PXN: variants seen among roughly 807,000 people sequenced by gnomAD.
PXN encodes testicular tissue protein Li 134.
PXN carries 61 observed loss-of-function variants against 103.6 expected under a neutral mutation model. The observed-to-expected ratio is 0.59, with a 90% CI of 0.48 to 0.73. The LOEUF (loss-of-function observed/expected upper bound fraction) is 0.73. Among genes scored for constraint, PXN ranks in the 30% least tolerant of loss-of-function variants. The pLI, the probability that PXN is intolerant of heterozygous loss-of-function variation, is 0.00. For synonymous variants in PXN, 562 were observed against 607.8 expected (o/e 0.92, Z 1.11); for missense variants, 1,274 against 1,460.3 (o/e 0.87, Z 2.08).
At position 120,222,920 on chromosome 12, in the gene PXN, C is replaced by T. The variant is rs375121495; in HGVS notation, c.436G>A (p.Asp146Asn). The change falls in exon 4 of 15, where the codon GAC (aspartate) becomes AAC (asparagine). Residue 146 changes from aspartate (D) to asparagine (N), a missense_variant. Physicochemically the swap from Asp to Asn is conservative, Grantham distance 23. Transcript: ENST00000637617. This position sits in a 1 kb window ranked among gnomAD's most constrained non-coding sequence, Gnocchi z 4.7. ...GCGTTCAGTTCCAGCAGCAGGCGGTCGAGTTCAGAAAGGTTGCTGCCCAGG... is the reference window on the plus strand; with the variant it reads ...GCGTTCAGTTCCAGCAGCAGGCGGTTGAGTTCAGAAAGGTTGCTGCCCAGG... ...TSLGSNLSEL[D>N]RLLLELNAVQ... 3.7e-6 allele frequency: 6 copies of T among 1,613,730 alleles called. No homozygotes were observed. The highest frequency in any genetic ancestry group is 2.7e-5 in the African/African-American group (2 of 74,884).
chr12:120,224,667 T>C lies in PXN; in HGVS notation c.14-290A>G, dbSNP rs374718550. 580 of 644,452 alleles carry C rather than the reference T, an allele frequency of 9.0e-4. 8 individuals are homozygous for C. In the East Asian group the frequency reaches 9.6e-3, roughly 11 times the overall value. 39.9% of individuals were successfully genotyped at this position (644,452 alleles called of 1,614,324 possible). On this transcript the variant is annotated intron_variant, in intron 1 of 14. Coordinates refer to ENST00000637617, the MANE Select transcript of PXN (RefSeq NM_001385981.1). The surrounding 1 kb of genome is among the most constrained non-coding windows in gnomAD (Gnocchi z 5.0). ...CCTCTGGGAGTCAGGCACCTGGCAC[T>C]GCGTTCCCTCCTGACAGGGCCGCGC... is the stretch of plus-strand genomic sequence containing the variant.
At position 120,221,514 on chromosome 12, in the gene PXN, G is replaced by A. The variant is rs1885144866; in HGVS notation, c.831+109C>T. ...GACAGTGTCCCTGGCTCAGGGGCAAGGCACCCAAACACTGAGATGCCAAGA... is the reference window on the plus strand; with the variant it reads ...GACAGTGTCCCTGGCTCAGGGGCAAAGCACCCAAACACTGAGATGCCAAGA... On this transcript the variant is annotated intron_variant, in intron 6 of 14. Transcript: ENST00000637617. This position sits in a 1 kb window ranked among gnomAD's most constrained non-coding sequence, Gnocchi z 6.6. 1 of 1,288,408 alleles carries A rather than the reference G, an allele frequency of 7.8e-7. No homozygotes were observed. The highest frequency in any genetic ancestry group is 1.1e-6 in the Non-Finnish European group (1 of 943,948). 79.8% of individuals were successfully genotyped at this position (1,288,408 alleles called of 1,614,324 possible).
intron 1 of PXN, among the ~76,000 whole-genome samples, chr12:120,258,526 T>C (rs538985498): frequency 6.6e-6 from 1 of 152,178 alleles, no homozygotes; most frequent in Admixed American, 6.5e-5. Context: ...AGGCCAACCA[T>C]AGGCAGGCGC....
chr12:120,256,113 A>T lies in PXN; in HGVS notation c.13+9504T>A, dbSNP rs533606188. Among the ~76,000 whole-genome samples, 7 of 152,152 alleles carry T rather than the reference A, an allele frequency of 4.6e-5. No homozygotes were observed. The South Asian group carries it at 1.2e-3, about 27-fold the overall frequency. ...TGAAGTTAGTAAAAGCAGAAAAGTAAAAAGAGGGAAACAGGCAAGACACAT... is the reference window on the plus strand; with the variant it reads ...TGAAGTTAGTAAAAGCAGAAAAGTATAAAGAGGGAAACAGGCAAGACACAT... On this transcript the variant is annotated intron_variant, in intron 1 of 14. Transcript: ENST00000637617.
chr12:120,233,056 T>C (rs1888366749), intron 1 of PXN, among the ~76,000 whole-genome samples: 1 of 152,174 alleles, frequency 6.6e-6, no homozygotes, highest in Admixed American at 6.6e-5. Flanking sequence ...TTTCCTTTCA[T>C]CACCACAGCC....
rs202176482 is a variant in PXN, at chr12:120,224,324, C to T, written c.67G>A (p.Val23Met). The T allele has an allele frequency of 2.5e-4, 411 of 1,614,022 alleles. No individual in the cohort carries two copies. Among genetic ancestry groups the T allele is most frequent in the Admixed American group, 4.8e-4 (29 of 60,026 alleles). ...STTSHISKRPVFLSEETPYSY... is the reference protein window; with the variant it reads ...STTSHISKRPMFLSEETPYSY... Reference sequence around the variant, plus strand: ...TAGGGGGTCTCCTCCGACAAGAACACAGGCCGTTTGGAGATGTGGGAGGTG... The same window carrying T: ...TAGGGGGTCTCCTCCGACAAGAACATAGGCCGTTTGGAGATGTGGGAGGTG... Residue 23 changes from valine to methionine, a missense_variant, in exon 2 of 15, where the codon GTG (valine) becomes ATG (methionine). Coordinates refer to ENST00000637617, the MANE Select transcript of PXN (RefSeq NM_001385981.1). This position sits in a 1 kb window ranked among gnomAD's most constrained non-coding sequence, Gnocchi z 5.0.
intron 3 of PXN, 109 bp from the exon 4 acceptor site, chr12:120,223,108 T>TC (rs1434728235): frequency 6.4e-7 from 1 of 1,559,366 alleles, no homozygotes; most frequent in Non-Finnish European, 8.7e-7. Context: ...TGCGAAGTCT[T>TC]CCCCCGCAAG....
Position 120,216,267 on chromosome 12 carries a change from G to C in PXN, c.2301+6C>G. ...ACAGAAAGGGAGGGGCTCCTTTAAG[G>C]CCTGCCTGCATCGGGGGGAAGAGCG... On this transcript the variant is annotated splice_donor_region_variant and intron_variant, in intron 9 of 14. Coordinates refer to ENST00000637617, the MANE Select transcript of PXN (RefSeq NM_001385981.1). The surrounding 1 kb of genome is among the most constrained non-coding windows in gnomAD (Gnocchi z 5.1). The C allele has an allele frequency of 5.5e-6, 7 of 1,278,606 alleles. No individual in the cohort carries two copies. The highest frequency in any genetic ancestry group is 6.9e-6 in the Non-Finnish European group (7 of 1,017,026). The allele number at this position is 1,278,606 out of a possible 1,614,324, so 79.2% of individuals were successfully genotyped here. A position where few individuals can be genotyped will look rare whatever the true frequency, so the allele number is the denominator to read the frequency against.
chr12:120,243,784 A>G (rs1018442891), intron 1 of PXN, among the ~76,000 whole-genome samples: 4 of 152,196 alleles, frequency 2.6e-5, no homozygotes, highest in Admixed American at 1.3e-4. Context: ...TTGAGGCTCC[A>G]TTCCTTTGAG....
chr12:120,224,305 G>C lies in PXN; in HGVS notation c.86C>G (p.Thr29Ser). Residue 29 changes from threonine (T) to serine (S), a missense_variant, in exon 2 of 15, where the codon ACC becomes AGC. This residue lies in a region of PXN where 1,178 missense variants were observed against 1,309.0 expected (regional missense o/e 0.90). Transcript: ENST00000637617. The surrounding 1 kb of genome is among the most constrained non-coding windows in gnomAD (Gnocchi z 5.0). ...GTTTCCAGTTGGGTATGAGTAGGGG[G>C]TCTCCTCCGACAAGAACACAGGCCG... ...SKRPVFLSEE[T>S]PYSYPTGNHT... The C allele has an allele frequency of 6.2e-7, 1 of 1,613,978 alleles. No individual in the cohort carries two copies. Among genetic ancestry groups the C allele is most frequent in the Non-Finnish European group, 8.5e-7 (1 of 1,179,884 alleles).
Position 120,216,636 on chromosome 12 carries a change from C to T in PXN, c.1993-55G>A. Reference sequence around the variant, plus strand: ...AGGAAGAAATCGCCAGCTCAGCCCACAGGGGTGGCGGGACCTCCCCAGGCT... The same window carrying T: ...AGGAAGAAATCGCCAGCTCAGCCCATAGGGGTGGCGGGACCTCCCCAGGCT... On this transcript the variant is annotated intron_variant, in intron 8 of 14. Coordinates refer to ENST00000637617, the MANE Select transcript of PXN (RefSeq NM_001385981.1). This position sits in a 1 kb window ranked among gnomAD's most constrained non-coding sequence, Gnocchi z 5.1. The T allele has an allele frequency of 6.5e-7, 1 of 1,544,414 alleles. No individual in the cohort carries two copies. The highest frequency in any genetic ancestry group is 8.6e-7 in the Non-Finnish European group (1 of 1,162,562).
chr12:120,261,719 T>C (rs896200672), intron 1 of PXN, among the ~76,000 whole-genome samples: 6 of 152,174 alleles, frequency 3.9e-5, no homozygotes, highest in Non-Finnish European at 8.8e-5. Flanking sequence ...ACCCAGTCTC[T>C]TCAATGCATG....
chr12:120,219,118 A>G lies in PXN; in HGVS notation c.1716+89T>C, dbSNP rs1884215084. The G allele has an allele frequency of 3.8e-6, 5 of 1,313,212 alleles. No individual in the cohort carries two copies. The highest frequency in any genetic ancestry group is 5.1e-6 in the Non-Finnish European group (5 of 986,616). 81.3% of individuals were successfully genotyped at this position (1,313,212 alleles called of 1,614,324 possible). Reference sequence around the variant, plus strand: ...TTTCTGCCCAAGCAGACATGCGCAGAGTGGGAGGCTGCATGCAGTTAGCGA... The same window carrying G: ...TTTCTGCCCAAGCAGACATGCGCAGGGTGGGAGGCTGCATGCAGTTAGCGA... On this transcript the variant is annotated intron_variant, in intron 7 of 14. Transcript: ENST00000637617. This position sits in a 1 kb window ranked among gnomAD's most constrained non-coding sequence, Gnocchi z 6.5.
Position 120,222,015 on chromosome 12 carries a change from C to T in PXN, c.696-257G>A, listed in dbSNP as rs1343350095. Among the ~76,000 whole-genome samples the T allele has an allele frequency of 6.6e-6, 1 of 152,198 alleles. No homozygotes were observed. The highest frequency in any genetic ancestry group is 2.4e-5 in the African/African-American group (1 of 41,444). On this transcript the variant is annotated intron_variant, in intron 5 of 14. Transcript: ENST00000637617. This position sits in a 1 kb window ranked among gnomAD's most constrained non-coding sequence, Gnocchi z 4.7. ...GGCCTGCGAAACAAGCCCAAGCGCC[C>T]TGTGTTTCCTCCACAACACTGGACA...
At chr12:120,256,384 G>A (rs762797030) in intron 1 of PXN, among the ~76,000 whole-genome samples, 47 of 152,152 alleles carry the variant, frequency 3.1e-4, no homozygotes, top group Non-Finnish European at 5.6e-4. Context: ...TCCTGGGCAA[G>A]AGAACAAGAC....
In PXN at chr12:120,229,566, C is replaced by T. The variant is rs924298234; in HGVS notation, c.14-5189G>A. Among the ~76,000 whole-genome samples, 23 of 152,148 alleles carry T rather than the reference C, an allele frequency of 1.5e-4. No homozygotes were observed. The highest frequency in any genetic ancestry group is 5.3e-4 in the African/African-American group (22 of 41,420). On this transcript the variant is annotated intron_variant, in intron 1 of 14. Transcript: ENST00000637617. This position sits in a 1 kb window ranked among gnomAD's most constrained non-coding sequence, Gnocchi z 4.0. ...CTTAACTGCTTTTGTGCCTCAGTTTCCTTGTCTGCCCAATAGGAATTCCAC... is the reference window on the plus strand; with the variant it reads ...CTTAACTGCTTTTGTGCCTCAGTTTTCTTGTCTGCCCAATAGGAATTCCAC...
rs939469480 is a variant in PXN at position 120,224,688 on chromosome 12, C to A, written c.14-311G>T. The A allele has an allele frequency of 1.6e-6, 1 of 608,784 alleles. No homozygotes were observed. Among genetic ancestry groups the A allele is most frequent in the Non-Finnish European group, 3.1e-6 (1 of 325,464 alleles). The allele number at this position is 608,784 out of a possible 1,614,324, so 37.7% of individuals were successfully genotyped here. ...GCACTGCGTTCCCTCCTGACAGGGC[C>A]GCGCAGCCGCGAGTGAAGTGCCTGT... On this transcript the variant is annotated intron_variant, in intron 1 of 14. Transcript: ENST00000637617. This position sits in a 1 kb window ranked among gnomAD's most constrained non-coding sequence, Gnocchi z 5.0.
chr12:120,223,225 T>C (rs918853836), intron 3 of PXN, among the ~76,000 whole-genome samples: 1 of 151,074 alleles, frequency 6.6e-6, no homozygotes, highest in African/African-American at 2.4e-5. Flanking sequence ...GGGCAGATCA[T>C]GAGGTCAGGA....
At chr12:120,249,773 G>A (rs1487023736) in intron 1 of PXN, 12 of 840,742 alleles carry the variant, frequency 1.4e-5, no homozygotes, top group Non-Finnish European at 1.7e-5. Flanking sequence ...TCCAAAGAGA[G>A]AGAAGGGGGA....
Sources: allele counts gnomAD v4.1 joint callset (sites outside exome capture counted in the v4.1 genomes callset), GRCh38; gene constraint gnomAD v4.1.1; regional missense constraint gnomAD v4.1.1; non-coding constraint Gnocchi (gnomAD v3.1); transcripts MANE v1.5; gene names NCBI Gene and HGNC (gene_info 2026-07-23, HGNC 2026-07-21).